Variants in GSE1 observed in about 807,000 individuals in gnomAD.
The protein encoded by GSE1 is genetic suppressor element 1.
A neutral mutation model predicts 112.6 loss-of-function variants in GSE1; 32 were observed. The observed-to-expected ratio is 0.28, with a 90% CI of 0.21 to 0.38. GSE1 has a LOEUF of 0.38. Ranked by LOEUF, GSE1 falls within the 10% of genes least tolerant of loss-of-function variation. The pLI is 1.00. For missense variants in GSE1, 2,348 were observed against 1,699.2 expected, an observed-to-expected ratio of 1.38 and a Z score of -6.71; for synonymous variants, 1,115 against 735.6, an observed-to-expected ratio of 1.52 and a Z score of -8.35.
At chr16:85,486,309 G>A (rs762793955) in intron 2 of GSE1, among the ~76,000 whole-genome samples, 4 of 77,360 alleles carry the variant, frequency 5.2e-5, no homozygotes, top group African/African-American at 1.1e-4. Flanking sequence ...ACACACGTAC[G>A]CACACTCCTG....
In GSE1 at chr16:85,656,454, G is replaced by T. The variant is rs1015093413; in HGVS notation, c.1101G>T (p.Lys367Asn). 1.3e-6 allele frequency: 2 copies of T among 1,551,612 alleles called. No homozygotes were observed. The highest frequency in any genetic ancestry group is 8.7e-7 in the Non-Finnish European group (1 of 1,143,986). The change falls in exon 7 of 16, where the codon AAG becomes AAT. Residue 367 changes from lysine (K) to asparagine (N), a missense_variant. Coordinates refer to ENST00000253458, the MANE Select transcript of GSE1 (RefSeq NM_014615.5). The stretch of plus-strand genomic sequence containing the variant: ...AGGAACGTGAGCGCGAACGCGAGAA[G>T]GAGCGCGAGCAAGAGAAGGAGCGTG... ...REKERERERE[K>N]EREQEKERER... is the part of the protein sequence containing the mutation.
chr16:85,433,769 C>CTGGATAGATGGATGT, intron 2 of GSE1, among the ~76,000 whole-genome samples: 1 of 151,624 alleles, frequency 6.6e-6, no homozygotes, highest in Non-Finnish European at 1.5e-5. Flanking sequence ...TGGATGGATG[C>CTGGATAGATGGATGT]TGGATAGATG....
rs757908622 is a variant in GSE1, at chr16:85,184,811, A to G, written c.2283+13004A>G. Reference sequence around the variant, plus strand: ...TCTAATTTAATTCTGTGAACAGAGAAGGTACTCTGTATGGCTTTAATCCTT... The same window carrying G: ...TCTAATTTAATTCTGTGAACAGAGAGGGTACTCTGTATGGCTTTAATCCTT... On this transcript the variant is annotated intron_variant, in intron 1 of 2. Coordinates refer to the GSE1 transcript ENST00000637419. Among the ~76,000 whole-genome samples the G allele has an allele frequency of 1.3e-4, 20 of 152,358 alleles. 1 individual carries two copies. In the South Asian group the frequency reaches 3.5e-3, roughly 27 times the overall value.
At chr16:85,346,430 G>GGAGA (rs1555566737) in intron 1 of GSE1, among the ~76,000 whole-genome samples, 2 of 145,200 alleles carry the variant, frequency 1.4e-5, no homozygotes, top group African/African-American at 5.2e-5. Flanking sequence ...TGATGGACAG[G>GGAGA]TGGATGGTGG....
intron 1 of GSE1, among the ~76,000 whole-genome samples, chr16:85,238,004 G>A (rs1904841013): frequency 6.6e-6 from 1 of 152,186 alleles, no homozygotes; most frequent in African/African-American, 2.4e-5. Context: ...AATGAGTGAA[G>A]GGTTCTGAGG....
intron 2 of GSE1, among the ~76,000 whole-genome samples, chr16:85,502,446 T>C (rs1370233828): frequency 6.6e-6 from 1 of 152,122 alleles, no homozygotes; most frequent in Non-Finnish European, 1.5e-5. Flanking sequence ...ATGGGGAAAC[T>C]GAGGCTCAGC....
chr16:85,231,367 A>T (rs560722274), intron 1 of GSE1, among the ~76,000 whole-genome samples: 2 of 149,054 alleles, frequency 1.3e-5, no homozygotes, highest in East Asian at 4.1e-4. Flanking sequence ...GATGGACAGA[A>T]GGATAGATGG....
chr16:85,666,085 G>T lies in GSE1; in HGVS notation c.2868G>T (p.Arg956=). 6.2e-7 allele frequency: 1 copy of T among 1,613,236 alleles called. No individual in the cohort carries two copies. The highest frequency in any genetic ancestry group is 1.1e-5 in the South Asian group (1 of 91,076). The change falls in exon 13 of 16, where the codon CGG becomes CGT. Residue 956 remains arginine (R), a synonymous_variant. Coordinates refer to ENST00000253458, the MANE Select transcript of GSE1 (RefSeq NM_014615.5). ...AGCCTGGGAAGCTGGAACAGGTCCG[G>T]CCCCAGGAGCTGTCGAGAGTCCAGG... The part of the protein sequence containing the change: ...AAEPGKLEQV[R]PQELSRVQEL...
At chr16:85,470,463 G>T (rs2050256688) in intron 2 of GSE1, among the ~76,000 whole-genome samples, 1 of 152,198 alleles carries the variant, frequency 6.6e-6, no homozygotes, top group African/African-American at 2.4e-5. Flanking sequence ...GGCCCCTTGG[G>T]GTCCCCTTCA....
intron 1 of GSE1, among the ~76,000 whole-genome samples, chr16:85,275,467 C>A (rs989728161): frequency 6.6e-6 from 1 of 152,228 alleles, no homozygotes; most frequent in Non-Finnish European, 1.5e-5. Context: ...GACTTTGCAT[C>A]CAGAAGTACC....
intron 1 of GSE1, among the ~76,000 whole-genome samples, chr16:85,229,332 C>T (rs895215823): frequency 6.6e-6 from 1 of 152,234 alleles, no homozygotes; most frequent in African/African-American, 2.4e-5. Context: ...GTCAGCTCCA[C>T]CTGTGCCGTG....
At position 85,270,762 on chromosome 16, in the gene GSE1, G is replaced by T. The variant is rs1347632118; in HGVS notation, c.2284-86701G>T. ...AGAGAATGTCGCCCTGGGTGTTTCC[G>T]GGGTGGGAGAGGTTCCTTATGAGGT... On this transcript the variant is annotated intron_variant, in intron 1 of 2. Coordinates refer to the GSE1 transcript ENST00000637419. Among the ~76,000 whole-genome samples the T allele has an allele frequency of 3.2e-5, 4 of 125,936 alleles. 1 individual carries two copies. The highest frequency in any genetic ancestry group is 3.1e-4 in the Admixed American group (4 of 12,992). 82.6% of individuals were successfully genotyped at this position (125,936 alleles called of 152,430 possible). A position where few individuals can be genotyped will look rare whatever the true frequency, so the allele number is the denominator to read the frequency against.
intron 1 of GSE1, among the ~76,000 whole-genome samples, chr16:85,589,460 C>G (rs1336559197): frequency 6.6e-6 from 1 of 152,148 alleles, no homozygotes; most frequent in Admixed American, 6.5e-5. Context: ...TGGAAGAACT[C>G]CAGAGGAGCC....
At chr16:85,407,903 CCT>C (rs1207096805) in intron 2 of GSE1, among the ~76,000 whole-genome samples, 3 of 46,526 alleles carry the variant, frequency 6.4e-5, no homozygotes, top group African/African-American at 2.1e-4. Context: ...TCAGGGCCCC[CCT>C]GGATAATCCT....
intron 1 of GSE1, among the ~76,000 whole-genome samples, chr16:85,568,957 A>C (rs934569233): frequency 6.6e-6 from 1 of 152,052 alleles, no homozygotes. Context: ...AAGGATGGAG[A>C]CCCCTAGAAA....
chr16:85,241,217 C>T (rs1167494690), intron 1 of GSE1, among the ~76,000 whole-genome samples: 1 of 152,164 alleles, frequency 6.6e-6, no homozygotes, highest in Non-Finnish European at 1.5e-5. Context: ...GTTGCTTCTC[C>T]TCCCAGAGCC....
chr16:85,479,677 C>G (rs549636002), intron 2 of GSE1, among the ~76,000 whole-genome samples: 2 of 152,296 alleles, frequency 1.3e-5, no homozygotes, highest in African/African-American at 4.8e-5. Context: ...CAACCCTTCT[C>G]TGTGCAGGAA....
At chr16:85,174,751 G>A (rs2074426427) in intron 1 of GSE1, among the ~76,000 whole-genome samples, 2 of 152,216 alleles carry the variant, frequency 1.3e-5, no homozygotes, top group Admixed American at 1.3e-4. Context: ...GGTGGGCATG[G>A]GCAGCGAAGG....
chr16:85,480,056 G>A (rs772235848), intron 2 of GSE1, among the ~76,000 whole-genome samples: 2 of 152,134 alleles, frequency 1.3e-5, no homozygotes, highest in Non-Finnish European at 2.9e-5. Flanking sequence ...GTTCCTGGCC[G>A]GTCCCCAGCA....
Sources: gnomAD v4.1 joint callset for allele counts (sites outside exome capture counted in the v4.1 genomes callset) on GRCh38, gnomAD v4.1.1 for gene constraint, MANE v1.5 for transcripts, NCBI Gene and HGNC (gene_info 2026-07-23, HGNC 2026-07-21) for gene names.